CIMAP3: variants seen among roughly 807,000 people sequenced by gnomAD.
CIMAP3 encodes the protein ciliary microtubule associated protein 3.
the CIMAP3 span, among the ~76,000 whole-genome samples, chr1:111,333,363 G>A: frequency 6.6e-6 from 1 of 152,162 alleles, no homozygotes. Flanking sequence ...AGTGGCTATT[G>A]GCCCCCAGAG....
the CIMAP3 span, among the ~76,000 whole-genome samples, chr1:111,327,454 T>G: frequency 6.6e-6 from 1 of 152,168 alleles, no homozygotes; most frequent in African/African-American, 2.4e-5. Context: ...TTTGTACTTC[T>G]GGTAGAATTC....
the CIMAP3 span, among the ~76,000 whole-genome samples, chr1:111,329,024 C>T: frequency 8.1e-3 from 1,236 of 152,310 alleles, 12 homozygotes; most frequent in African/African-American, 0.028. Flanking sequence ...CTCTCAGGAT[C>T]TCTTGTAAGG....
At chr1:111,350,589 C>T in the CIMAP3 span, among the ~76,000 whole-genome samples, 211 of 152,194 alleles carry the variant, frequency 1.4e-3, 1 homozygote, top group African/African-American at 4.8e-3. Flanking sequence ...TTGCTCTTTC[C>T]GACATACCCC....
At chr1:111,330,586 C>T in the CIMAP3 span, among the ~76,000 whole-genome samples, 1 of 152,166 alleles carries the variant, frequency 6.6e-6, no homozygotes, top group African/African-American at 2.4e-5. Context: ...TTTTCTTTTT[C>T]AATGCTCTGA....
the CIMAP3 span, chr1:111,350,138 C>T: frequency 6.7e-5 from 108 of 1,614,002 alleles, no homozygotes; most frequent in African/African-American, 5.1e-4. Flanking sequence ...AAGAAGCCAC[C>T]GCCAAAAATT....
At chr1:111,340,342 C>A in the CIMAP3 span, among the ~76,000 whole-genome samples, 1 of 151,822 alleles carries the variant, frequency 6.6e-6, no homozygotes, top group African/African-American at 2.4e-5. Context: ...CAACAAAAGA[C>A]AAAATTGACA....
chr1:111,346,117 C>T, the CIMAP3 span, among the ~76,000 whole-genome samples: 2 of 152,192 alleles, frequency 1.3e-5, no homozygotes, highest in African/African-American at 2.4e-5. Flanking sequence ...CCCCACGGCC[C>T]CCCGGGATAG....
chr1:111,339,033 T>G, the CIMAP3 span, among the ~76,000 whole-genome samples: 1 of 152,218 alleles, frequency 6.6e-6, no homozygotes, highest in Non-Finnish European at 1.5e-5. Flanking sequence ...ATCCCTGGAA[T>G]GCAAGGCTGG....
At chr1:111,339,046 C>CAATA in the CIMAP3 span, among the ~76,000 whole-genome samples, 1 of 152,146 alleles carries the variant, frequency 6.6e-6, no homozygotes, top group Admixed American at 6.5e-5. Flanking sequence ...AAGGCTGGTT[C>CAATA]AATATACTCA....
chr1:111,339,593 T>C, the CIMAP3 span, among the ~76,000 whole-genome samples: 1 of 151,368 alleles, frequency 6.6e-6, no homozygotes, highest in African/African-American at 2.4e-5. Flanking sequence ...CATGAGTGAA[T>C]TCCCATTCAC....
At chr1:111,344,019 A>G in the CIMAP3 span, among the ~76,000 whole-genome samples, 3 of 152,162 alleles carry the variant, frequency 2.0e-5, no homozygotes, top group Admixed American at 2.0e-4. Flanking sequence ...TTTAAAGTCC[A>G]TGTTTAATGA....
chr1:111,348,619 A>C, the CIMAP3 span: 1 of 1,611,172 alleles, frequency 6.2e-7, no homozygotes, highest in Non-Finnish European at 8.5e-7. Flanking sequence ...CGATTTAAGA[A>C]CTACCCAAAG....
the CIMAP3 span, chr1:111,346,955 T>A: frequency 6.2e-7 from 1 of 1,613,864 alleles, no homozygotes. Flanking sequence ...CAGAGGAAAC[T>A]TTTTCCTCAC....
the CIMAP3 span, among the ~76,000 whole-genome samples, chr1:111,328,642 T>A: frequency 6.6e-6 from 1 of 152,204 alleles, no homozygotes; most frequent in African/African-American, 2.4e-5. Flanking sequence ...GAGTTTGAAA[T>A]CTGTTTTGTT....
chr1:111,325,617 A>G, the CIMAP3 span, among the ~76,000 whole-genome samples: 5 of 152,220 alleles, frequency 3.3e-5, no homozygotes, highest in African/African-American at 1.2e-4. Flanking sequence ...AACCTACTAC[A>G]TATAATTTCA....
the CIMAP3 span, among the ~76,000 whole-genome samples, chr1:111,335,467 G>A: frequency 8.5e-4 from 129 of 152,282 alleles, no homozygotes; most frequent in Middle Eastern, 3.4e-3. Context: ...GGTGAAAGAT[G>A]GCACCTGGAA....
the CIMAP3 span, chr1:111,346,803 G>A: frequency 6.4e-7 from 1 of 1,571,990 alleles, no homozygotes; most frequent in Non-Finnish European, 8.7e-7. Context: ...GTAAGCGCAC[G>A]GTTGGGCCCT....
the CIMAP3 span, among the ~76,000 whole-genome samples, chr1:111,338,124 A>G: frequency 6.6e-6 from 1 of 151,036 alleles, no homozygotes. Flanking sequence ...TGAAGGCAGA[A>G]ATAAAGATGT....
At chr1:111,344,079 A>T in the CIMAP3 span, among the ~76,000 whole-genome samples, 10 of 152,168 alleles carry the variant, frequency 6.6e-5, no homozygotes, top group Non-Finnish European at 1.5e-4. Context: ...TTTTATTATA[A>T]GCTCTTGTTT....
Sources: gnomAD v4.1 joint callset for allele counts (sites outside exome capture counted in the v4.1 genomes callset) on GRCh38, gnomAD v4.1.1 for gene constraint, MANE v1.5 for transcripts, NCBI Gene and HGNC (gene_info 2026-07-23, HGNC 2026-07-21) for gene names.